The following AP1M1 variants were observed in gnomAD, a reference collection of about 807,000 sequenced individuals.
AP1M1 encodes the protein AP-1 complex subunit mu-1.
Under a neutral mutation model 57.1 loss-of-function variants are expected in AP1M1, and 18 were observed. The observed-to-expected ratio is 0.32, with a 90% CI of 0.22 to 0.47. The LOEUF (loss-of-function observed/expected upper bound fraction) is 0.47. Among genes scored for constraint, AP1M1 ranks in the 20% least tolerant of loss-of-function variants. The pLI is 1.00. For synonymous variants in AP1M1, 241 were observed against 237.9 expected, an observed-to-expected ratio of 1.01 and a Z score of -0.12; for missense variants, 362 against 593.5, an observed-to-expected ratio of 0.61 and a Z score of 4.05.
At chr19:16,226,286 G>C (rs1490532526) in intron 5 of AP1M1, 135 bp from the exon 6 acceptor site, 1 of 1,266,464 alleles carries the variant, frequency 7.9e-7, no homozygotes, top group Non-Finnish European at 1.1e-6. Flanking sequence ...CAGCTCAGGG[G>C]ATGCCCAGGA....
At position 16,228,518 on chromosome 19, in the gene AP1M1, G is replaced by T. The variant is rs1001842175; in HGVS notation, c.889-252G>T. ...CCCTGGGACATAGACATTGTCCTAG[G>T]AGGGCAGGGCAGAGGGAGGGATGAG... On this transcript the variant is annotated intron_variant, in intron 8 of 11. Coordinates refer to ENST00000291439, the MANE Select transcript of AP1M1 (RefSeq NM_032493.4). This position sits in a 1 kb window ranked among gnomAD's most constrained non-coding sequence, Gnocchi z 5.0. 4.6e-5 allele frequency among the ~76,000 whole-genome samples: 7 copies of T among 152,188 alleles called. No homozygotes were observed. The highest frequency in any genetic ancestry group is 1.7e-4 in the African/African-American group (7 of 41,448).
At position 16,209,370 on chromosome 19, in the gene AP1M1, G is replaced by A. The variant is rs114754662; in HGVS notation, c.546+193G>A. 7.1e-4 allele frequency: 403 copies of A among 570,238 alleles called. 1 individual carries two copies. Among genetic ancestry groups the A allele is most frequent in the African/African-American group, 6.9e-3 (361 of 52,398 alleles). 35.3% of individuals were successfully genotyped at this position (570,238 alleles called of 1,614,324 possible). A position where few individuals can be genotyped will look rare whatever the true frequency, so the allele number is the denominator to read the frequency against. The stretch of plus-strand genomic sequence containing the variant: ...TTTTGAGACGGAATCTCATTCTGTC[G>A]CCCAGGCTAGAGTGTGGTGACACGA... On this transcript the variant is annotated intron_variant, in intron 5 of 11. Coordinates refer to ENST00000291439, the MANE Select transcript of AP1M1 (RefSeq NM_032493.4).
chr19:16,209,209 G>GT, intron 5 of AP1M1, 32 bp downstream of exon 5: 2 of 1,607,754 alleles, frequency 1.2e-6, no homozygotes, highest in Non-Finnish European at 1.7e-6. Context: ...CTTCTGTAGG[G>GT]TTTTATCTCT....
At chr19:16,233,419 G>GC in intron 9 of AP1M1, 74 bp from the exon 10 acceptor site, 1 of 1,459,840 alleles carries the variant, frequency 6.9e-7, no homozygotes, top group Non-Finnish European at 9.1e-7. Flanking sequence ...TCTGCCCATC[G>GC]CCACTAGGGC....
chr19:16,221,010 T>C (rs1030060478), intron 5 of AP1M1, among the ~76,000 whole-genome samples: 2 of 152,258 alleles, frequency 1.3e-5, no homozygotes, highest in African/African-American at 2.4e-5. Flanking sequence ...GGTGTGCACA[T>C]CTTTGTGTTT....
At position 16,208,116 on chromosome 19, in the gene AP1M1, A is replaced by T. The variant is rs1191971485; in HGVS notation, c.365A>T (p.Tyr122Phe). The T allele has an allele frequency of 4.8e-5, 77 of 1,613,290 alleles. No homozygotes were observed. In the East Asian group the frequency reaches 1.7e-3, roughly 35 times the overall value. ...ELLDELMDFG[Y>F]PQTTDSKILQ... ...CTGGACGAGCTCATGGACTTCGGCTACCCCCAGACCACCGACAGCAAGATC... is the reference window on the plus strand; with the variant it reads ...CTGGACGAGCTCATGGACTTCGGCTTCCCCCAGACCACCGACAGCAAGATC... Residue 122 changes from tyrosine (Y) to phenylalanine (F), a missense_variant, in exon 4 of 12, where the codon TAC (tyrosine) becomes TTC (phenylalanine). Physicochemically the swap from Tyr to Phe is conservative, Grantham distance 22. This residue lies in a region of AP1M1 where 337 missense variants were observed against 511.1 expected (regional missense o/e 0.66). Transcript: ENST00000291439.
At chr19:16,209,893 T>C in intron 5 of AP1M1, among the ~76,000 whole-genome samples, 1 of 152,216 alleles carries the variant, frequency 6.6e-6, no homozygotes, top group Non-Finnish European at 1.5e-5. Context: ...AAATGAATTT[T>C]AGCGCTTGTA....
chr19:16,241,830 C>T lies in AP1M1; in HGVS notation c.*7395C>T, dbSNP rs1384488750. On this transcript the variant is annotated 3_prime_UTR_variant, in exon 12 of 12. Coordinates refer to ENST00000291439, the MANE Select transcript of AP1M1 (RefSeq NM_032493.4). ...ACTAACATGAGAAACCCCGTCTCTA[C>T]TAAAAATATAAAATTAGCCGGGTGT... 1 of 151,776 alleles carries T rather than the reference C, an allele frequency of 6.6e-6. No individual in the cohort carries two copies. The highest frequency in any genetic ancestry group is 1.9e-4 in the East Asian group (1 of 5,160). The allele number at this position is 151,776 out of a possible 1,614,324, so 9.4% of individuals were successfully genotyped here.
At chr19:16,204,982 C>A (rs1290710417) in intron 2 of AP1M1, among the ~76,000 whole-genome samples, 2 of 152,112 alleles carry the variant, frequency 1.3e-5, no homozygotes, top group Non-Finnish European at 2.9e-5. Context: ...AGGCGCCCGC[C>A]ACCACGCCCA....
intron 10 of AP1M1, 64 bp downstream of exon 10, chr19:16,233,682 A>T: frequency 1.3e-6 from 2 of 1,537,192 alleles, no homozygotes; most frequent in African/African-American, 1.4e-5. Context: ...ACAGATATCA[A>T]TGCAGCCAGC....
chr19:16,229,073 G>T, intron 9 of AP1M1, 145 bp downstream of exon 9: 1 of 963,612 alleles, frequency 1.0e-6, no homozygotes, highest in Non-Finnish European at 1.5e-6. Flanking sequence ...AGGGTGGACG[G>T]AGAGCTGAGG....
intron 5 of AP1M1, among the ~76,000 whole-genome samples, chr19:16,215,200 C>CGGGGGGGGGGGGGGGG (rs1192567428): frequency 1.4e-4 from 1 of 7,370 alleles, no homozygotes; most frequent in African/African-American, 4.2e-4. Context: ...AAGGCGGGGG[C>CGGGGGGGGGGGGGGGG]GGGGGGGGGG....
Position 16,238,923 on chromosome 19 carries a change from GTTTT to G in AP1M1, c.*4491_*4494del, listed in dbSNP as rs1361774392. The G allele has an allele frequency of 6.6e-6, 1 of 150,590 alleles. No homozygotes were observed. Among genetic ancestry groups the G allele is most frequent in the African/African-American group, 2.4e-5 (1 of 40,850 alleles). The allele number at this position is 150,590 out of a possible 1,614,324, so 9.3% of individuals were successfully genotyped here. A position where few individuals can be genotyped will look rare whatever the true frequency, so the allele number is the denominator to read the frequency against. ...TTAATATACTTTTTGTAGTTTTTTT[GTTTT>G]TTGTTTTTGTTTTTGTTTTTTTTGA... is the stretch of plus-strand genomic sequence containing the variant. On this transcript the variant is annotated 3_prime_UTR_variant, in exon 12 of 12. Coordinates refer to ENST00000291439, the MANE Select transcript of AP1M1 (RefSeq NM_032493.4).
At chr19:16,223,537 C>T (rs1032024643) in intron 5 of AP1M1, among the ~76,000 whole-genome samples, 2 of 152,210 alleles carry the variant, frequency 1.3e-5, no homozygotes, top group African/African-American at 4.8e-5. Context: ...CCCACCCCCT[C>T]GGAACAGTAG....
chr19:16,234,369 G>A (rs780328990), intron 11 of AP1M1, 44 bp from the exon 12 acceptor site: 3 of 1,613,920 alleles, frequency 1.9e-6, no homozygotes, highest in South Asian at 1.1e-5. Context: ...CCGAAAGCAG[G>A]GAGGGTGCAG....
At chr19:16,199,386 C>T (rs969811562) in intron 1 of AP1M1, among the ~76,000 whole-genome samples, 5 of 152,198 alleles carry the variant, frequency 3.3e-5, no homozygotes, top group Admixed American at 6.5e-5. Flanking sequence ...AGAAATGGTC[C>T]TCTGCCTTCT....
At chr19:16,198,154 G>A in intron 1 of AP1M1, 86 bp downstream of exon 1, 1 of 1,488,362 alleles carries the variant, frequency 6.7e-7, no homozygotes, top group South Asian at 1.2e-5. Context: ...CTAGGTAACC[G>A]GCTTATGAGC....
chr19:16,226,447 C>T lies in AP1M1; in HGVS notation c.573C>T (p.Arg191=). 6.4e-7 allele frequency: 1 copy of T among 1,564,374 alleles called. No homozygotes were observed. Among genetic ancestry groups the T allele is most frequent in the South Asian group, 1.2e-5 (1 of 86,426 alleles). ...LLVSANGNVL[R]SEIVGSIKMR... ...TCAGCGCCAACGGCAATGTCCTGCG[C>T]AGCGAGATCGTGGGCTCCATCAAGA... The change falls in exon 6 of 12, where the codon CGC becomes CGT. Residue 191 remains arginine, a synonymous_variant. Transcript: ENST00000291439.
rs764873016 is a variant in AP1M1, at chr19:16,203,637, TC to T, written c.199+25del. The T allele has an allele frequency of 1.3e-6, 2 of 1,584,616 alleles. No homozygotes were observed. Among genetic ancestry groups the T allele is most frequent in the South Asian group, 2.3e-5 (2 of 86,426 alleles). ...TATCGTATCCCTTTGCTGGGGGTGC[TC>T]CCAGGGGACTCCTGTGTGGGTGTTG... On this transcript the variant is annotated intron_variant, in intron 2 of 11. Transcript: ENST00000291439. The surrounding 1 kb of genome is among the most constrained non-coding windows in gnomAD (Gnocchi z 4.6).
Sources: allele counts gnomAD v4.1 joint callset (sites outside exome capture counted in the v4.1 genomes callset), GRCh38; gene constraint gnomAD v4.1.1; regional missense constraint gnomAD v4.1.1; non-coding constraint Gnocchi (gnomAD v3.1); transcripts MANE v1.5; gene names NCBI Gene and HGNC (gene_info 2026-07-23, HGNC 2026-07-21).